Variants in NEU3 observed in about 807,000 individuals in gnomAD.
The protein encoded by NEU3 is neuraminidase 3.
NEU3 carries 10 observed loss-of-function variants against 11.4 expected under a neutral mutation model. The observed-to-expected ratio is 0.88, with a 90% CI of 0.54 to 1.49. The LOEUF is 1.49. NEU3 is among the 40% of genes most tolerant of loss of function. The pLI is 0.00. For synonymous variants in NEU3, 212 were observed against 228.2 expected (o/e 0.93, Z 0.64); for missense variants, 529 against 581.8 (o/e 0.91, Z 0.93).
upstream of NEU3, chr11:74,988,852 G>C (rs1006008572): frequency 1.7e-4 from 96 of 561,508 alleles, no homozygotes; most frequent in Admixed American, 4.2e-4. Context: ...AGGGCTCGCG[G>C]AGTAGGCCAA....
chr11:75,002,149 G>T (rs1948850934), intron 2 of NEU3, among the ~76,000 whole-genome samples: 1 of 152,116 alleles, frequency 6.6e-6, no homozygotes, highest in South Asian at 2.1e-4. Flanking sequence ...CAAACTCCTG[G>T]ACTTAAGTGA....
upstream of NEU3, among the ~76,000 whole-genome samples, chr11:74,987,565 G>A (rs1948678229): frequency 6.6e-6 from 1 of 152,094 alleles, no homozygotes; most frequent in Non-Finnish European, 1.5e-5. Flanking sequence ...TGTAATCCCA[G>A]CACTTTGGTA....
At chr11:74,982,172 G>T in the NEU3 span, among the ~76,000 whole-genome samples, 5 of 152,162 alleles carry the variant, frequency 3.3e-5, no homozygotes, top group Non-Finnish European at 7.4e-5. Flanking sequence ...CAAGTAGGTA[G>T]CCACTTGAAT....
upstream of NEU3, among the ~76,000 whole-genome samples, chr11:74,987,609 C>A (rs1297814653): frequency 6.6e-6 from 1 of 151,952 alleles, no homozygotes; most frequent in African/African-American, 2.4e-5. Context: ...GTCAGGAGAT[C>A]GAGATCATCC....
downstream of NEU3, among the ~76,000 whole-genome samples, chr11:75,013,361 C>T (rs1948968078): frequency 6.6e-6 from 1 of 152,182 alleles, no homozygotes; most frequent in Non-Finnish European, 1.5e-5. Flanking sequence ...CTTTGATCTC[C>T]ATTATCCTTC....
downstream of NEU3, among the ~76,000 whole-genome samples, chr11:75,014,968 G>A (rs577634757): frequency 5.4e-4 from 82 of 152,206 alleles, no homozygotes; most frequent in African/African-American, 2.0e-3. Context: ...TTGGCACATA[G>A]AAGATGTTCA....
downstream of NEU3, among the ~76,000 whole-genome samples, chr11:75,012,044 C>T (rs1484142073): frequency 2.0e-5 from 3 of 152,130 alleles, no homozygotes; most frequent in African/African-American, 7.2e-5. Flanking sequence ...GCTTCATCAA[C>T]ATCATGATCT....
intron 2 of NEU3, among the ~76,000 whole-genome samples, chr11:74,996,316 A>G (rs1948790697): frequency 6.6e-6 from 1 of 152,196 alleles, no homozygotes; most frequent in South Asian, 2.1e-4. Context: ...TGCTTTATCA[A>G]CTAAGTTGAT....
At chr11:75,002,292 A>G (rs1365351300) in intron 2 of NEU3, among the ~76,000 whole-genome samples, 1 of 152,246 alleles carries the variant, frequency 6.6e-6, no homozygotes, top group African/African-American at 2.4e-5. Flanking sequence ...GCCTCAGGCA[A>G]ATGGCTCTGA....
intron 1 of NEU3, chr11:74,990,046 T>C: frequency 1.4e-6 from 1 of 702,134 alleles, no homozygotes; most frequent in Non-Finnish European, 2.6e-6. Context: ...ATCAGCATAA[T>C]TACAAAAATT....
intron 2 of NEU3, among the ~76,000 whole-genome samples, chr11:75,001,073 C>G (rs1378778661): frequency 6.6e-6 from 1 of 152,046 alleles, no homozygotes; most frequent in African/African-American, 2.4e-5. Context: ...TATATTCCTA[C>G]CAACAGTACA....
At chr11:75,015,287 C>G (rs187574954), downstream of NEU3, among the ~76,000 whole-genome samples, 3 of 152,112 alleles carry the variant, frequency 2.0e-5, 1 homozygote, top group African/African-American at 7.2e-5. Context: ...GAAAGCAAAC[C>G]GTCACCAGAC....
At chr11:74,997,735 T>C (rs866063178) in intron 2 of NEU3, among the ~76,000 whole-genome samples, 4 of 146,464 alleles carry the variant, frequency 2.7e-5, no homozygotes, top group African/African-American at 7.6e-5. Flanking sequence ...TGGTGGTGCA[T>C]GCCTGTAATC....
chr11:75,012,093 C>T (rs980502741), downstream of NEU3, among the ~76,000 whole-genome samples: 1 of 152,096 alleles, frequency 6.6e-6, no homozygotes, highest in Admixed American at 6.5e-5. Context: ...ATTGATAGTC[C>T]CTGAGTGACG....
chr11:74,989,643 G>A lies in NEU3; in HGVS notation c.94+489G>A, dbSNP rs1417535382. Among the ~76,000 whole-genome samples the A allele has an allele frequency of 2.6e-5, 4 of 152,160 alleles. No individual in the cohort carries two copies. In the East Asian group the frequency reaches 7.7e-4, roughly 29 times the overall value. On this transcript the variant is annotated intron_variant, in intron 1 of 2. Transcript: ENST00000294064. ...TAGGAGTGAATAAATGAGATAGGAA[G>A]GCCTCCTGGGATTCACTGGAGGCTC...
chr11:74,994,540 C>T lies in NEU3; in HGVS notation c.126C>T (p.Phe42=), dbSNP rs1265288864. 21 of 1,613,002 alleles carry T rather than the reference C, an allele frequency of 1.3e-5. No homozygotes were observed. The Admixed American group carries it at 3.3e-4, about 26-fold the overall frequency. ...TGGAAGAAGTGACAACATGCTCCTT[C>T]AACAGCCCTCTGTTCCGGCAGGAAG... The part of the protein sequence containing the change: ...EVMEEVTTCS[F]NSPLFRQEDD... The change falls in exon 2 of 3, where the codon TTC becomes TTT. Residue 42 remains phenylalanine (F), a synonymous_variant. Transcript: ENST00000294064.
intron 1 of NEU3, chr11:74,990,195 T>C: frequency 3.5e-6 from 2 of 577,574 alleles, no homozygotes; most frequent in East Asian, 5.7e-5. Flanking sequence ...ATTGATCTGC[T>C]TAGGTAGGTA....
chr11:74,981,772 A>G, the NEU3 span, among the ~76,000 whole-genome samples: 1 of 152,350 alleles, frequency 6.6e-6, no homozygotes, highest in East Asian at 1.9e-4. Context: ...GTTTTCTAGA[A>G]GAGAAAGGAC....
chr11:74,990,099 TTG>T (rs1028112485), intron 1 of NEU3: 1 of 669,972 alleles, frequency 1.5e-6, no homozygotes, highest in African/African-American at 1.8e-5. Flanking sequence ...ATAAATGAAA[TTG>T]TGAGGACATC....
Sources: gnomAD v4.1 joint callset for allele counts (sites outside exome capture counted in the v4.1 genomes callset) on GRCh38, gnomAD v4.1.1 for gene constraint, MANE v1.5 for transcripts, NCBI Gene and HGNC (gene_info 2026-07-23, HGNC 2026-07-21) for gene names.